CNBD1: variants seen among roughly 807,000 people sequenced by gnomAD.
CNBD1 encodes cyclic nucleotide-binding domain-containing protein 1.
In CNBD1, 71 loss-of-function variants were observed where a neutral mutation model predicts 54.4. The ratio of observed to expected loss-of-function variants is 1.30; its 90% CI spans 1.08 to 1.59. The LOEUF is 1.59. Ranked by LOEUF, CNBD1 falls within the 40% of genes most tolerant of loss-of-function variation. The pLI, the probability that CNBD1 is intolerant of heterozygous loss-of-function variation, is 0.00. For synonymous variants in CNBD1, 182 were observed against 170.7 expected, an observed-to-expected ratio of 1.07 and a Z score of -0.51; for missense variants, 659 against 518.0, an observed-to-expected ratio of 1.27 and a Z score of -2.64.
At chr8:87,390,175 G>C (rs1811278180) in intron 2 of CNBD1, among the ~76,000 whole-genome samples, 1 of 152,000 alleles carries the variant, frequency 6.6e-6, no homozygotes, top group Admixed American at 6.6e-5. Context: ...TACCATTCAG[G>C]ACATAGGCAT....
intron 8 of CNBD1, among the ~76,000 whole-genome samples, chr8:87,351,301 T>A (rs1344618111): frequency 6.6e-6 from 1 of 152,156 alleles, no homozygotes; most frequent in Non-Finnish European, 1.5e-5. Flanking sequence ...TTATCAATAT[T>A]GTGGGTTTGT....
chr8:86,968,164 T>C (rs1188983007), intron 4 of CNBD1, among the ~76,000 whole-genome samples: 3 of 152,268 alleles, frequency 2.0e-5, no homozygotes, highest in South Asian at 2.1e-4. Context: ...TTTTGTAAAA[T>C]AGTTTATTTT....
At chr8:87,298,724 T>C (rs1008102827) in intron 8 of CNBD1, among the ~76,000 whole-genome samples, 1 of 151,800 alleles carries the variant, frequency 6.6e-6, no homozygotes, top group African/African-American at 2.4e-5. Context: ...GACCTTGTGA[T>C]TTGCCTTCCT....
chr8:87,266,464 T>G (rs1586376753), intron 6 of CNBD1, among the ~76,000 whole-genome samples: 3 of 134,370 alleles, frequency 2.2e-5, no homozygotes, highest in African/African-American at 8.7e-5. Context: ...TTTTTTTTTT[T>G]TTTTGAGACA....
chr8:87,178,386 A>G (rs996053802), intron 4 of CNBD1, among the ~76,000 whole-genome samples: 1 of 152,226 alleles, frequency 6.6e-6, no homozygotes, highest in Non-Finnish European at 1.5e-5. Context: ...TGCAATGCAG[A>G]TATCTGGAGA....
chr8:87,331,486 A>G (rs191869277), intron 8 of CNBD1, among the ~76,000 whole-genome samples: 11 of 152,258 alleles, frequency 7.2e-5, no homozygotes, highest in Non-Finnish European at 1.5e-4. Flanking sequence ...GGTTGGTTCC[A>G]TGTGTTTGCT....
At chr8:86,887,423 C>A in intron 1 of CNBD1, 119 bp from the exon 2 acceptor site, 1 of 635,674 alleles carries the variant, frequency 1.6e-6, no homozygotes, top group Non-Finnish European at 2.8e-6. Context: ...GTTAATACCT[C>A]ACTTCCATAG....
chr8:87,282,290 G>A (rs1808615507), intron 6 of CNBD1, among the ~76,000 whole-genome samples: 2 of 151,510 alleles, frequency 1.3e-5, no homozygotes, highest in Non-Finnish European at 3.0e-5. Context: ...TATTTTAAAA[G>A]AGTACCATAT....
At chr8:87,140,890 A>C (rs1442633010) in intron 4 of CNBD1, among the ~76,000 whole-genome samples, 3 of 152,276 alleles carry the variant, frequency 2.0e-5, no homozygotes, top group Admixed American at 1.3e-4. Context: ...CACACATTCC[A>C]GTCCCTTGTC....
At chr8:87,097,759 AGTGCCCCAG>A (rs1811348579) in intron 4 of CNBD1, among the ~76,000 whole-genome samples, 3 of 152,142 alleles carry the variant, frequency 2.0e-5, no homozygotes. Flanking sequence ...TTTCCTCCTT[AGTGCCCCAG>A]GTGCTAGTTT....
chr8:87,172,705 T>G (rs1351705601), intron 4 of CNBD1, among the ~76,000 whole-genome samples: 2 of 152,170 alleles, frequency 1.3e-5, no homozygotes, highest in African/African-American at 4.8e-5. Flanking sequence ...GTTCTTTTTT[T>G]CATTTCCATT....
In CNBD1 at chr8:86,890,763, T is replaced by A. The variant is rs138434441; in HGVS notation, c.158+3152T>A. ...GGTCCTCATCAGCACTTACCTTTCT[T>A]TTTGATAACAGCCATTCTAACAGAT... On this transcript the variant is annotated intron_variant, in intron 2 of 10. Coordinates refer to ENST00000518476, the MANE Select transcript of CNBD1 (RefSeq NM_173538.3). 3.5e-3 allele frequency among the ~76,000 whole-genome samples: 527 copies of A among 152,264 alleles called. 5 individuals carry two copies. The highest frequency in any genetic ancestry group is 0.012 in the African/African-American group (499 of 41,576).
At chr8:87,208,464 T>G (rs574253405) in intron 5 of CNBD1, among the ~76,000 whole-genome samples, 1 of 151,994 alleles carries the variant, frequency 6.6e-6, no homozygotes, top group African/African-American at 2.4e-5. Context: ...TAATGTATTT[T>G]ACATATAGTC....
intron 4 of CNBD1, among the ~76,000 whole-genome samples, chr8:86,991,511 G>T (rs759210746): frequency 6.6e-6 from 1 of 151,822 alleles, no homozygotes; most frequent in Non-Finnish European, 1.5e-5. Context: ...TCTCAATATT[G>T]TTCAGTTCTT....
At chr8:86,988,314 G>C (rs1397480106) in intron 4 of CNBD1, among the ~76,000 whole-genome samples, 3 of 151,904 alleles carry the variant, frequency 2.0e-5, no homozygotes, top group South Asian at 2.1e-4. Context: ...AATAGTCTCT[G>C]AGGATCTTTT....
intron 6 of CNBD1, among the ~76,000 whole-genome samples, chr8:87,261,521 T>C (rs1465278479): frequency 7.7e-6 from 1 of 129,776 alleles, no homozygotes; most frequent in Non-Finnish European, 1.6e-5. Context: ...AGAAGTTTTA[T>C]TTATAGACAA....
rs138595171 is a variant in CNBD1, at chr8:87,406,525, G to T, written c.214-22021G>T. The stretch of plus-strand genomic sequence containing the variant: ...GACAGAATCTGGCTCTGTCACCTAG[G>T]CTGGAGTTCAGTGGCACGATCTCAG... On this transcript the variant is annotated intron_variant, in intron 2 of 7. Coordinates refer to the CNBD1 transcript ENST00000521593. Among the ~76,000 whole-genome samples, 1,418 of 147,544 alleles carry T rather than the reference G, an allele frequency of 9.6e-3. 20 individuals are homozygous for T. Among genetic ancestry groups the T allele is most frequent in the African/African-American group, 0.033 (1,301 of 39,500 alleles).
intron 2 of CNBD1, among the ~76,000 whole-genome samples, chr8:87,415,454 T>C (rs905958043): frequency 6.6e-6 from 1 of 152,044 alleles, no homozygotes; most frequent in Non-Finnish European, 1.5e-5. Context: ...CTGGTGAAAT[T>C]TCAAGTGTCC....
rs549036375 is a variant in CNBD1, at chr8:87,425,828, G to C, written c.214-2718G>C. ...CCTACAGAGGCAGGCAGGCCTCCTTGAGCTGTGGTGGGCTCCACCCAGTTC... is the reference window on the plus strand; with the variant it reads ...CCTACAGAGGCAGGCAGGCCTCCTTCAGCTGTGGTGGGCTCCACCCAGTTC... On this transcript the variant is annotated intron_variant, in intron 2 of 7. Transcript: ENST00000521593. Among the ~76,000 whole-genome samples the C allele has an allele frequency of 4.3e-3, 655 of 152,206 alleles. 8 individuals are homozygous for C. Among genetic ancestry groups the C allele is most frequent in the African/African-American group, 0.015 (626 of 41,546 alleles).
Sources: allele counts gnomAD v4.1 joint callset (sites outside exome capture counted in the v4.1 genomes callset), GRCh38; gene constraint gnomAD v4.1.1; transcripts MANE v1.5; gene names NCBI Gene and HGNC (gene_info 2026-07-23, HGNC 2026-07-21).